The following FRMPD1 variants were observed in gnomAD, a reference collection of about 807,000 sequenced individuals.
FRMPD1 encodes the protein FERM and PDZ domain containing 1.
A neutral mutation model predicts 117.8 loss-of-function variants in FRMPD1; 76 were observed. The ratio of observed to expected loss-of-function variants is 0.65; its 90% CI spans 0.54 to 0.78. The LOEUF is 0.78. Among genes scored for constraint, FRMPD1 ranks in the 30% least tolerant of loss-of-function variants. The pLI, the probability that FRMPD1 is intolerant of heterozygous loss-of-function variation, is 0.00. For synonymous variants in FRMPD1, 783 were observed against 770.4 expected, an observed-to-expected ratio of 1.02 and a Z score of -0.27; for missense variants, 1,786 against 1,964.5, an observed-to-expected ratio of 0.91 and a Z score of 1.72.
At chr9:37,712,659 A>G (rs766238977) in intron 5 of FRMPD1, among the ~76,000 whole-genome samples, 2 of 152,206 alleles carry the variant, frequency 1.3e-5, no homozygotes, top group African/African-American at 2.4e-5. Context: ...CCAGGCCAGA[A>G]CTGTACTTCT....
intron 1 of FRMPD1, among the ~76,000 whole-genome samples, chr9:37,682,898 A>C (rs34791346): frequency 0.34 from 51,206 of 152,108 alleles, 9,902 homozygotes; most frequent in Non-Finnish European, 0.44. Context: ...CAATTCACAT[A>C]CCATCAAATT....
chr9:37,649,145 G>C (rs1195272634), upstream of FRMPD1, among the ~76,000 whole-genome samples: 1 of 152,170 alleles, frequency 6.6e-6, no homozygotes, highest in Non-Finnish European at 1.5e-5. Context: ...CAAGAGAATA[G>C]TTCTTATCTT....
intron 2 of FRMPD1, among the ~76,000 whole-genome samples, chr9:37,697,961 G>A (rs1822385500): frequency 6.6e-6 from 1 of 152,022 alleles, no homozygotes; most frequent in Admixed American, 6.5e-5. Context: ...CTAAAAATAC[G>A]AAAATTAGCT....
At chr9:37,733,636 G>A (rs377074505) in intron 11 of FRMPD1, 37 bp downstream of exon 11, 95 of 1,611,588 alleles carry the variant, frequency 5.9e-5, no homozygotes, top group Non-Finnish European at 7.6e-5. Flanking sequence ...CTCAGCTGTC[G>A]TCTGTGAAAC....
the FRMPD1 span, among the ~76,000 whole-genome samples, chr9:37,604,849 C>A: frequency 6.6e-6 from 1 of 152,132 alleles, no homozygotes; most frequent in Non-Finnish European, 1.5e-5. Context: ...GGAAGAGGAG[C>A]CAAAACCCCA....
intron 1 of FRMPD1, among the ~76,000 whole-genome samples, chr9:37,672,831 T>C (rs1821400435): frequency 6.6e-6 from 1 of 152,078 alleles, no homozygotes; most frequent in African/African-American, 2.4e-5. Context: ...CCATCAGATC[T>C]CATGAGACTT....
the FRMPD1 span, among the ~76,000 whole-genome samples, chr9:37,628,460 A>AAGGAGG: frequency 6.6e-6 from 1 of 152,182 alleles, no homozygotes; most frequent in Non-Finnish European, 1.5e-5. Context: ...GAGAAAAAGA[A>AAGGAGG]AGGAGGAGGA....
At chr9:37,623,391 A>T in the FRMPD1 span, among the ~76,000 whole-genome samples, 1 of 152,260 alleles carries the variant, frequency 6.6e-6, no homozygotes, top group Admixed American at 6.5e-5. Flanking sequence ...GAGAGTGTAG[A>T]AGAAAAAGCA....
chr9:37,665,651 T>A (rs1433942417), intron 1 of FRMPD1, among the ~76,000 whole-genome samples: 1 of 152,242 alleles, frequency 6.6e-6, no homozygotes, highest in African/African-American at 2.4e-5. Flanking sequence ...CCTAAAAATG[T>A]TAACTGGCTT....
the FRMPD1 span, among the ~76,000 whole-genome samples, chr9:37,629,199 C>CA: frequency 0.25 from 37,002 of 148,276 alleles, 4,857 homozygotes; most frequent in South Asian, 0.32. Context: ...ACTCCATCTC[C>CA]AAAAAAAAAA....
the FRMPD1 span, among the ~76,000 whole-genome samples, chr9:37,617,494 G>C: frequency 6.6e-6 from 1 of 152,232 alleles, no homozygotes; most frequent in Non-Finnish European, 1.5e-5. Context: ...TTATTGTGAG[G>C]ATTAAATATG....
chr9:37,685,391 C>T (rs982803341), intron 1 of FRMPD1, among the ~76,000 whole-genome samples: 1 of 152,120 alleles, frequency 6.6e-6, no homozygotes, highest in African/African-American at 2.4e-5. Flanking sequence ...CGCCTGTAAT[C>T]CCAGCACTTT....
the FRMPD1 span, among the ~76,000 whole-genome samples, chr9:37,622,279 C>T: frequency 6.6e-6 from 1 of 152,154 alleles, no homozygotes; most frequent in Non-Finnish European, 1.5e-5. Context: ...AGGTGCTGTG[C>T]AAATGTAAGC....
In FRMPD1 at chr9:37,672,080, GTTTC is replaced by G. The variant is rs551254079; in HGVS notation, c.-4-20550_-4-20547del. Among the ~76,000 whole-genome samples the G allele has an allele frequency of 2.3e-3, 355 of 152,194 alleles. 1 individual carries two copies. Among genetic ancestry groups the G allele is most frequent in the African/African-American group, 7.8e-3 (323 of 41,512 alleles). On this transcript the variant is annotated intron_variant, in intron 1 of 15. Coordinates refer to ENST00000377765, the MANE Select transcript of FRMPD1 (RefSeq NM_014907.3). ...GAAATGGACTGCTAATGAGTATGAG[GTTTC>G]TTTCTTTTTGGAGTGATGAAAATGC...
At chr9:37,695,939 C>T (rs1822304146) in intron 2 of FRMPD1, among the ~76,000 whole-genome samples, 1 of 152,056 alleles carries the variant, frequency 6.6e-6, no homozygotes, top group South Asian at 2.1e-4. Context: ...TTCAGTGGCT[C>T]ACCTACCATT....
the FRMPD1 span, among the ~76,000 whole-genome samples, chr9:37,620,553 G>A: frequency 3.3e-5 from 5 of 151,992 alleles, no homozygotes; most frequent in South Asian, 1.0e-3. Context: ...ATGTTCAAGG[G>A]CTTAGCATAG....
rs566801225 is a variant in FRMPD1, at chr9:37,652,791, C to T, written c.-5+1697C>T. Among the ~76,000 whole-genome samples the T allele has an allele frequency of 3.9e-5, 6 of 152,330 alleles. No homozygotes were observed. In the South Asian group the frequency reaches 1.2e-3, roughly 32 times the overall value. ...CAAACATGAAAATTACCAACAGGCC[C>T]TACCCTCAAGGAGCTTAGGTTCTGT... On this transcript the variant is annotated intron_variant, in intron 1 of 15. Coordinates refer to ENST00000377765, the MANE Select transcript of FRMPD1 (RefSeq NM_014907.3).
the FRMPD1 span, among the ~76,000 whole-genome samples, chr9:37,614,819 C>G: frequency 6.6e-6 from 1 of 152,212 alleles, no homozygotes; most frequent in East Asian, 1.9e-4. Flanking sequence ...TTTATTAACT[C>G]ATGGTAAGAA....
intron 1 of FRMPD1, among the ~76,000 whole-genome samples, chr9:37,692,294 T>A (rs1356102458): frequency 6.6e-6 from 1 of 152,076 alleles, no homozygotes; most frequent in East Asian, 1.9e-4. Flanking sequence ...GTTGCACACA[T>A]AGTTGGGAGA....
Sources: allele counts gnomAD v4.1 joint callset (sites outside exome capture counted in the v4.1 genomes callset), GRCh38; gene constraint gnomAD v4.1.1; transcripts MANE v1.5; gene names NCBI Gene and HGNC (gene_info 2026-07-23, HGNC 2026-07-21).